Variants in EBF3 observed in about 807,000 individuals in gnomAD.
The protein encoded by EBF3 is transcription factor COE3.
A neutral mutation model predicts 77.1 loss-of-function variants in EBF3; 18 were observed. The observed-to-expected ratio is 0.23, with a 90% CI of 0.16 to 0.35. EBF3 has a LOEUF of 0.35. Among genes scored for constraint, EBF3 ranks in the 10% least tolerant of loss-of-function variants. The probability of loss-of-function intolerance (pLI) is 1.00; values close to 1 mark genes in which losing one functional copy is unlikely to be tolerated. For missense variants in EBF3, 558 were observed against 860.0 expected, an observed-to-expected ratio of 0.65 and a Z score of 4.39; for synonymous variants, 350 against 343.5, an observed-to-expected ratio of 1.02 and a Z score of -0.21.
chr10:129,882,342 T>C (rs1467646433), intron 6 of EBF3, among the ~76,000 whole-genome samples: 1 of 152,226 alleles, frequency 6.6e-6, no homozygotes, highest in East Asian at 1.9e-4. Flanking sequence ...CTACAGAACT[T>C]TGTGGTGTTG....
At chr10:129,883,629 C>A (rs549748544) in intron 6 of EBF3, among the ~76,000 whole-genome samples, 6 of 152,174 alleles carry the variant, frequency 3.9e-5, no homozygotes, top group African/African-American at 1.4e-4. Flanking sequence ...TATTCCGGAT[C>A]GAGCCCCCAT....
chr10:129,952,697 A>C lies in EBF3; in HGVS notation c.554+4561T>G, dbSNP rs920135003. ...AATGTTTATCCTCCCCGCTTCTGAA[A>C]ACAACCTGACAAGAAGATGTAAAGG... On this transcript the variant is annotated intron_variant, in intron 6 of 16. Transcript: ENST00000440978. The surrounding 1 kb of genome is among the most constrained non-coding windows in gnomAD (Gnocchi z 4.7). Among the ~76,000 whole-genome samples, 3 of 152,210 alleles carry C rather than the reference A, an allele frequency of 2.0e-5. No homozygotes were observed. The highest frequency in any genetic ancestry group is 4.4e-5 in the Non-Finnish European group (3 of 68,044).
In EBF3 at chr10:129,920,373, A is replaced by G. The variant is rs528692949; in HGVS notation, c.554+36885T>C. ...CGCCCCGCTGTGCGGTCTAGGGCGA[A>G]TATCTGCAGGAGGGCCACAAACCCA... On this transcript the variant is annotated intron_variant, in intron 6 of 16. Transcript: ENST00000440978. Among the ~76,000 whole-genome samples, 349 of 115,092 alleles carry G rather than the reference A, an allele frequency of 3.0e-3. 2 individuals are homozygous for G. Among genetic ancestry groups the G allele is most frequent in the Non-Finnish European group, 4.1e-3 (219 of 52,906 alleles). 75.5% of individuals were successfully genotyped at this position (115,092 alleles called of 152,430 possible). A position where few individuals can be genotyped will look rare whatever the true frequency, so the allele number is the denominator to read the frequency against.
intron 7 of EBF3, 131 bp from the exon 8 acceptor site, chr10:129,873,727 C>T (rs1852567163): frequency 1.8e-5 from 18 of 1,008,074 alleles, no homozygotes; most frequent in South Asian, 3.8e-5. Context: ...CACTGTTGAT[C>T]GATGTGCGTT....
At chr10:129,856,882 A>G (rs1851288917) in intron 10 of EBF3, among the ~76,000 whole-genome samples, 1 of 152,254 alleles carries the variant, frequency 6.6e-6, no homozygotes, top group Admixed American at 6.5e-5. Context: ...AACGTTTCTC[A>G]TCTGAATTAG....
At position 129,952,668 on chromosome 10, in the gene EBF3, G is replaced by A. The variant is rs1455078634; in HGVS notation, c.554+4590C>T. ...AGTAGGAATAAAAACATTGGGACTGGTCAAATGTTTATCCTCCCCGCTTCT... is the reference window on the plus strand; with the variant it reads ...AGTAGGAATAAAAACATTGGGACTGATCAAATGTTTATCCTCCCCGCTTCT... On this transcript the variant is annotated intron_variant, in intron 6 of 16. Coordinates refer to ENST00000440978, the MANE Select transcript of EBF3 (RefSeq NM_001375380.1). This position sits in a 1 kb window ranked among gnomAD's most constrained non-coding sequence, Gnocchi z 4.7. Among the ~76,000 whole-genome samples the A allele has an allele frequency of 6.6e-6, 1 of 152,110 alleles. No individual in the cohort carries two copies. The highest frequency in any genetic ancestry group is 1.5e-5 in the Non-Finnish European group (1 of 68,024).
chr10:129,930,142 C>T (rs534255530), intron 6 of EBF3, among the ~76,000 whole-genome samples: 149 of 152,320 alleles, frequency 9.8e-4, no homozygotes, highest in Non-Finnish European at 1.9e-3. Context: ...CCCGTAGGTG[C>T]TCAGGCCTTC....
At chr10:129,866,021 G>T (rs955927420) in intron 10 of EBF3, among the ~76,000 whole-genome samples, 1 of 152,210 alleles carries the variant, frequency 6.6e-6, no homozygotes, top group African/African-American at 2.4e-5. Flanking sequence ...CTGTCACTCG[G>T]TTCCAGCAGG....
intron 6 of EBF3, among the ~76,000 whole-genome samples, chr10:129,945,437 T>C (rs922731339): frequency 1.3e-5 from 2 of 152,190 alleles, no homozygotes; most frequent in African/African-American, 2.4e-5. Flanking sequence ...AAGAAGGTGA[T>C]TGATCAGAGG....
At chr10:129,859,517 G>A (rs760466364) in intron 10 of EBF3, among the ~76,000 whole-genome samples, 31 of 152,306 alleles carry the variant, frequency 2.0e-4, no homozygotes, top group Non-Finnish European at 3.2e-4. Flanking sequence ...GAGCCACCAC[G>A]CCTAGCCTCA....
chr10:129,934,241 C>T (rs1589896660), intron 6 of EBF3, among the ~76,000 whole-genome samples: 1 of 141,736 alleles, frequency 7.1e-6, no homozygotes, highest in South Asian at 2.2e-4. Flanking sequence ...CCCTTGAAGA[C>T]CCCAGAGACC....
At chr10:129,958,902 C>G in intron 5 of EBF3, 32 bp downstream of exon 5, 2 of 1,580,724 alleles carry the variant, frequency 1.3e-6, no homozygotes, top group Admixed American at 1.8e-5. Context: ...CGAGGCAGCC[C>G]GCGCCCCCGC....
chr10:129,867,718 C>A lies in EBF3; in HGVS notation c.912+64G>T, dbSNP rs920485016. On this transcript the variant is annotated intron_variant, in intron 9 of 16. Coordinates refer to ENST00000440978, the MANE Select transcript of EBF3 (RefSeq NM_001375380.1). Reference sequence around the variant, plus strand: ...GCACCTTGTGTCAATACACTATTGACAGCTTGTCAAATCCATTCATGAAGA... The same window carrying A: ...GCACCTTGTGTCAATACACTATTGAAAGCTTGTCAAATCCATTCATGAAGA... 15 of 1,599,160 alleles carry A rather than the reference C, an allele frequency of 9.4e-6. No individual in the cohort carries two copies. In the African/African-American group the frequency reaches 1.9e-4, roughly 20 times the overall value.
chr10:129,868,587 G>A (rs1050833013), intron 8 of EBF3, among the ~76,000 whole-genome samples: 12 of 152,194 alleles, frequency 7.9e-5, no homozygotes, highest in Non-Finnish European at 1.3e-4. Flanking sequence ...TGCACCGGCC[G>A]CAGAGGCAGC....
At position 129,863,298 on chromosome 10, in the gene EBF3, C is replaced by T. The variant is rs1851767581; in HGVS notation, c.1039+3843G>A. Among the ~76,000 whole-genome samples, 1 of 152,194 alleles carries T rather than the reference C, an allele frequency of 6.6e-6. No homozygotes were observed. Among genetic ancestry groups the T allele is most frequent in the East Asian group, 1.9e-4 (1 of 5,202 alleles). Reference sequence around the variant, plus strand: ...CATTCTTTTAATTCACCGTGCTAATCAACTGAACCGCCACAGCCTCCCAAG... The same window carrying T: ...CATTCTTTTAATTCACCGTGCTAATTAACTGAACCGCCACAGCCTCCCAAG... On this transcript the variant is annotated intron_variant, in intron 10 of 16. Coordinates refer to ENST00000440978, the MANE Select transcript of EBF3 (RefSeq NM_001375380.1). This position sits in a 1 kb window ranked among gnomAD's most constrained non-coding sequence, Gnocchi z 4.0.
intron 8 of EBF3, among the ~76,000 whole-genome samples, chr10:129,868,943 G>A (rs1041100085): frequency 1.3e-5 from 2 of 152,254 alleles, no homozygotes. Context: ...GCCCGGGCCA[G>A]GACACTATCC....
At chr10:129,873,314 C>T (rs1852534181) in intron 8 of EBF3, 138 bp downstream of exon 8, 2 of 1,067,654 alleles carry the variant, frequency 1.9e-6, no homozygotes, top group South Asian at 8.3e-5. Context: ...CGGGGACACC[C>T]CCTCATCCTG....
intron 6 of EBF3, among the ~76,000 whole-genome samples, chr10:129,950,803 A>G (rs1858619697): frequency 6.6e-6 from 1 of 152,210 alleles, no homozygotes; most frequent in Admixed American, 6.5e-5. Context: ...AACAAACAAG[A>G]GGAGCTTGTG....
chr10:129,937,751 G>A (rs509203), intron 6 of EBF3, among the ~76,000 whole-genome samples: 174 of 152,184 alleles, frequency 1.1e-3, no homozygotes, highest in African/African-American at 3.6e-3. Context: ...AACCTGTCCC[G>A]GGCTGTCCCT....
Sources: allele counts gnomAD v4.1 joint callset (sites outside exome capture counted in the v4.1 genomes callset), GRCh38; gene constraint gnomAD v4.1.1; non-coding constraint Gnocchi (gnomAD v3.1); transcripts MANE v1.5; gene names NCBI Gene and HGNC (gene_info 2026-07-23, HGNC 2026-07-21).